PEMT: variants seen among roughly 807,000 people sequenced by gnomAD.
The protein encoded by PEMT is phospholipid methyltransferase.
In PEMT, 23 loss-of-function variants were observed where a neutral mutation model predicts 27.4. The ratio of observed to expected loss-of-function variants is 0.84; its 90% CI spans 0.60 to 1.19. PEMT has a LOEUF of 1.19. Ranked by LOEUF, PEMT falls within the 50% of genes most tolerant of loss-of-function variation. The pLI, the probability that PEMT is intolerant of heterozygous loss-of-function variation, is 0.00. For missense variants in PEMT, 307 were observed against 310.1 expected, an observed-to-expected ratio of 0.99 and a Z score of 0.07; for synonymous variants, 137 against 139.1, an observed-to-expected ratio of 0.98 and a Z score of 0.11.
At chr17:17,583,652 C>T (rs1369044012) in intron 1 of PEMT, among the ~76,000 whole-genome samples, 1 of 152,224 alleles carries the variant, frequency 6.6e-6, no homozygotes, top group South Asian at 2.1e-4. Context: ...TTACCTTCTG[C>T]ACAGAAGCAA....
intron 2 of PEMT, among the ~76,000 whole-genome samples, chr17:17,552,653 C>T (rs1454273312): frequency 1.3e-5 from 2 of 152,224 alleles, no homozygotes; most frequent in Admixed American, 1.3e-4. Flanking sequence ...GTGGAGATGC[C>T]CCTCTCATGG....
intron 5 of PEMT, among the ~76,000 whole-genome samples, chr17:17,509,151 G>A (rs908272330): frequency 6.6e-6 from 1 of 152,388 alleles, no homozygotes; most frequent in Middle Eastern, 3.4e-3. Context: ...GCTGTTTTGT[G>A]TGGCAGGACC....
intron 1 of PEMT, among the ~76,000 whole-genome samples, chr17:17,585,813 T>G (rs79742538): frequency 6.6e-6 from 1 of 152,074 alleles, no homozygotes; most frequent in East Asian, 1.9e-4. Context: ...CCGGGCGCGG[T>G]GAGTCATGCC....
At chr17:17,586,626 T>C (rs1383479885) in intron 1 of PEMT, among the ~76,000 whole-genome samples, 1 of 152,186 alleles carries the variant, frequency 6.6e-6, no homozygotes, top group East Asian at 1.9e-4. Context: ...CATGAAACCC[T>C]GTGGGATGCG....
intron 2 of PEMT, among the ~76,000 whole-genome samples, chr17:17,525,807 A>C (rs1907621641): frequency 6.6e-6 from 1 of 152,236 alleles, no homozygotes; most frequent in Admixed American, 6.5e-5. Context: ...AGCCAGGCCA[A>C]CATGGTGAAA....
chr17:17,527,264 C>T (rs1035919042), intron 2 of PEMT, among the ~76,000 whole-genome samples: 2 of 152,132 alleles, frequency 1.3e-5, no homozygotes, highest in African/African-American at 2.4e-5. Flanking sequence ...CTCAAACTCC[C>T]GACCTCAGGT....
At chr17:17,511,433 C>T (rs1281595600) in intron 4 of PEMT, among the ~76,000 whole-genome samples, 1 of 152,222 alleles carries the variant, frequency 6.6e-6, no homozygotes, top group East Asian at 1.9e-4. Flanking sequence ...CGGGGGGACC[C>T]CTACTGGCAG....
intron 2 of PEMT, among the ~76,000 whole-genome samples, chr17:17,572,191 C>T (rs77027762): frequency 5.0e-4 from 76 of 152,382 alleles, no homozygotes; most frequent in Middle Eastern, 3.4e-3. Context: ...CTCCCACCTC[C>T]GCCAGTCCCA....
rs1256780835 is a variant in PEMT at position 17,577,025 on chromosome 17, T to C, written c.99A>G (p.Ala33=). 3.7e-6 allele frequency: 6 copies of C among 1,612,572 alleles called. No individual in the cohort carries two copies. In the African/African-American group the frequency reaches 8.0e-5, roughly 22 times the overall value. ...GCAGCCGGGTCATAACGCAGAAGTC[T>C]GCCTGCAGGGACAGAGCTAGCATCA... The part of the protein sequence containing the change: ...GGLGNIDFRQ[A]DFCVMTRLLG... Residue 33 remains alanine, a splice_region_variant and synonymous_variant, in exon 2 of 7, where the codon GCA becomes GCG. Coordinates refer to ENST00000255389, the MANE Select transcript of PEMT (RefSeq NM_148172.3).
chr17:17,589,275 T>A (rs1178738314), intron 1 of PEMT, among the ~76,000 whole-genome samples: 1 of 148,830 alleles, frequency 6.7e-6, no homozygotes, highest in Non-Finnish European at 1.5e-5. Context: ...ACAGCTGATT[T>A]TTTTTTTTTT....
intron 2 of PEMT, among the ~76,000 whole-genome samples, chr17:17,542,302 A>G (rs1457533317): frequency 6.6e-6 from 1 of 152,256 alleles, no homozygotes; most frequent in Admixed American, 6.5e-5. Context: ...TCTTTAAGGC[A>G]AACACCGTGC....
intron 3 of PEMT, among the ~76,000 whole-genome samples, chr17:17,520,948 G>C (rs190116104): frequency 2.0e-5 from 3 of 152,254 alleles, no homozygotes; most frequent in African/African-American, 7.2e-5. Flanking sequence ...GGCCACCCTC[G>C]GTGAGTGTGT....
intron 1 of PEMT, among the ~76,000 whole-genome samples, chr17:17,579,851 G>A (rs564142403): frequency 1.3e-5 from 2 of 152,334 alleles, no homozygotes; most frequent in African/African-American, 4.8e-5. Flanking sequence ...AAGCCACTCC[G>A]CAAATGGCGG....
intron 2 of PEMT, among the ~76,000 whole-genome samples, chr17:17,568,479 A>T (rs1910976991): frequency 6.6e-6 from 1 of 152,222 alleles, no homozygotes; most frequent in Non-Finnish European, 1.5e-5. Flanking sequence ...GCTGCCCCAG[A>T]GCCAGGACTT....
intron 5 of PEMT, 57 bp from the exon 6 acceptor site, chr17:17,506,358 G>GGTCT: frequency 7.6e-7 from 1 of 1,316,554 alleles, no homozygotes; most frequent in Non-Finnish European, 1.1e-6. Flanking sequence ...CAGGGCCACG[G>GGTCT]CCCACCTGCC....
rs1045320475 is a variant in PEMT, at chr17:17,561,391, C to T, written c.204+15529G>A. Among the ~76,000 whole-genome samples, 5 of 152,210 alleles carry T rather than the reference C, an allele frequency of 3.3e-5. No individual in the cohort carries two copies. The highest frequency in any genetic ancestry group is 5.9e-5 in the Non-Finnish European group (4 of 68,042). On this transcript the variant is annotated intron_variant, in intron 2 of 6. Coordinates refer to ENST00000255389, the MANE Select transcript of PEMT (RefSeq NM_148172.3). The surrounding 1 kb of genome is among the most constrained non-coding windows in gnomAD (Gnocchi z 4.5). The stretch of plus-strand genomic sequence containing the variant: ...GAGGCTGCAAGCTGGAAGCTAAGTC[C>T]CCCTGAGTCCCTGCCTGAGCCCAAC...
intron 2 of PEMT, among the ~76,000 whole-genome samples, chr17:17,530,214 G>A (rs1046312655): frequency 5.3e-5 from 8 of 152,202 alleles, no homozygotes; most frequent in Non-Finnish European, 1.0e-4. Context: ...AGTAAGAACA[G>A]GGCAGGCACA....
intron 2 of PEMT, among the ~76,000 whole-genome samples, chr17:17,568,963 C>T (rs1164701836): frequency 6.6e-6 from 1 of 152,172 alleles, no homozygotes; most frequent in Non-Finnish European, 1.5e-5. Context: ...AACATCCAGG[C>T]CCAGGAAACC....
At chr17:17,557,506 T>C (rs1220778283) in intron 2 of PEMT, among the ~76,000 whole-genome samples, 1 of 152,222 alleles carries the variant, frequency 6.6e-6, no homozygotes, top group Non-Finnish European at 1.5e-5. Flanking sequence ...TGGCTCGCTC[T>C]GGGACCCAGG....
Sources: gnomAD v4.1 joint callset for allele counts (sites outside exome capture counted in the v4.1 genomes callset) on GRCh38, gnomAD v4.1.1 for gene constraint, Gnocchi (gnomAD v3.1) non-coding constraint, MANE v1.5 for transcripts, NCBI Gene and HGNC (gene_info 2026-07-23, HGNC 2026-07-21) for gene names.